RPS6KC1: variants seen among roughly 807,000 people sequenced by gnomAD.
RPS6KC1 encodes the protein inactive ribosomal protein S6 kinase delta-1.
Under a neutral mutation model 103.8 loss-of-function variants are expected in RPS6KC1, and 54 were observed. That is an observed-to-expected ratio of 0.52 (90% CI 0.42 to 0.65). The LOEUF (loss-of-function observed/expected upper bound fraction) is 0.65. RPS6KC1 is among the 30% of genes least tolerant of loss of function. The pLI, the probability that RPS6KC1 is intolerant of heterozygous loss-of-function variation, is 0.00. For synonymous variants in RPS6KC1, 439 were observed against 438.7 expected (o/e 1.00, Z -0.01); for missense variants, 1,151 against 1,253.8 (o/e 0.92, Z 1.24).
the RPS6KC1 span, among the ~76,000 whole-genome samples, chr1:213,607,726 C>A: frequency 3.3e-5 from 5 of 149,414 alleles, no homozygotes; most frequent in South Asian, 4.2e-4. Context: ...CACACACACA[C>A]AAAATAAATA....
the RPS6KC1 span, among the ~76,000 whole-genome samples, chr1:213,854,536 C>CTTTCTTTCTT: frequency 9.8e-6 from 1 of 102,150 alleles, no homozygotes; most frequent in East Asian, 3.3e-4. Flanking sequence ...TTCTTTCTTT[C>CTTTCTTTCTT]TTTCTTTCTT....
chr1:213,617,165 G>T, the RPS6KC1 span, among the ~76,000 whole-genome samples: 1 of 152,146 alleles, frequency 6.6e-6, no homozygotes, highest in African/African-American at 2.4e-5. Flanking sequence ...CACTGTTTCT[G>T]GGAGTCACCC....
rs1558567538 is a variant in RPS6KC1 at position 213,220,121 on chromosome 1, T to G, written c.1045-10376T>G. Among the ~76,000 whole-genome samples, 5 of 152,170 alleles carry G rather than the reference T, an allele frequency of 3.3e-5. No homozygotes were observed. The South Asian group carries it at 1.0e-3, about 32-fold the overall frequency. On this transcript the variant is annotated intron_variant, in intron 8 of 14. Coordinates refer to ENST00000366960, the MANE Select transcript of RPS6KC1 (RefSeq NM_012424.6). ...CAGTATTGTATTGTAGAAATATTGA[T>G]ATTTACATTCAACAGGTTATGTTTG...
At chr1:213,657,083 A>G in the RPS6KC1 span, among the ~76,000 whole-genome samples, 1 of 152,248 alleles carries the variant, frequency 6.6e-6, no homozygotes, top group Admixed American at 6.5e-5. Flanking sequence ...ATTCAACTAT[A>G]AATTAACATA....
At chr1:213,379,198 T>G in the RPS6KC1 span, among the ~76,000 whole-genome samples, 1 of 151,620 alleles carries the variant, frequency 6.6e-6, no homozygotes, top group Non-Finnish European at 1.5e-5. Context: ...TGTTATAGAT[T>G]GAATTCTGTC....
chr1:213,553,164 CCT>C, the RPS6KC1 span, among the ~76,000 whole-genome samples: 2 of 152,102 alleles, frequency 1.3e-5, no homozygotes, highest in African/African-American at 4.8e-5. Context: ...CTCTTCTCAT[CCT>C]CTCCCCTTAA....
chr1:213,086,804 C>T (rs974899102), intron 3 of RPS6KC1, among the ~76,000 whole-genome samples: 2 of 152,124 alleles, frequency 1.3e-5, no homozygotes, highest in African/African-American at 4.8e-5. Context: ...TACCTCTAAT[C>T]ATTTGCAAAC....
chr1:213,753,470 A>G, the RPS6KC1 span, among the ~76,000 whole-genome samples: 5 of 152,292 alleles, frequency 3.3e-5, no homozygotes, highest in Admixed American at 6.5e-5. Context: ...GGTCAAAATA[A>G]GAAGCCCATT....
At chr1:213,635,989 G>A in the RPS6KC1 span, among the ~76,000 whole-genome samples, 2 of 152,266 alleles carry the variant, frequency 1.3e-5, no homozygotes, top group South Asian at 2.1e-4. Context: ...CAAACAAAGA[G>A]CCAAATCATG....
chr1:213,238,624 A>G (rs1190083678), intron 10 of RPS6KC1, among the ~76,000 whole-genome samples: 1 of 152,222 alleles, frequency 6.6e-6, no homozygotes, highest in African/African-American at 2.4e-5. Flanking sequence ...GAAGACTTTA[A>G]GTACATTGAA....
At chr1:213,276,178 A>T (rs993146962), downstream of RPS6KC1, among the ~76,000 whole-genome samples, 1 of 152,174 alleles carries the variant, frequency 6.6e-6, no homozygotes, top group Non-Finnish European at 1.5e-5. Context: ...TTGCTTGCCC[A>T]CAAGTTTGGA....
the RPS6KC1 span, among the ~76,000 whole-genome samples, chr1:213,803,240 CTTTTTTT>C: frequency 3.0e-5 from 3 of 101,386 alleles, no homozygotes; most frequent in Non-Finnish European, 3.9e-5. Flanking sequence ...AAGGCAGTGG[CTTTTTTT>C]TTTTTTTTTT....
At chr1:213,291,886 C>T in the RPS6KC1 span, among the ~76,000 whole-genome samples, 2 of 152,136 alleles carry the variant, frequency 1.3e-5, no homozygotes, top group Admixed American at 6.5e-5. Flanking sequence ...TTAGGTCTAA[C>T]GTTTAAGTCT....
the RPS6KC1 span, among the ~76,000 whole-genome samples, chr1:213,601,932 C>T: frequency 4.8e-5 from 6 of 125,736 alleles, no homozygotes; most frequent in Admixed American, 8.7e-5. Context: ...TCCCTCCCTT[C>T]CTTCCTTCTT....
chr1:213,316,048 G>A, the RPS6KC1 span, among the ~76,000 whole-genome samples: 1 of 152,214 alleles, frequency 6.6e-6, no homozygotes, highest in African/African-American at 2.4e-5. Context: ...ATCTGGAATT[G>A]TAATCCCCAT....
At chr1:213,714,697 T>G in the RPS6KC1 span, among the ~76,000 whole-genome samples, 131 of 152,356 alleles carry the variant, frequency 8.6e-4, no homozygotes, top group African/African-American at 3.1e-3. Context: ...GCCCTATTCT[T>G]GGGCATCAAC....
chr1:213,395,824 A>G, the RPS6KC1 span, among the ~76,000 whole-genome samples: 1 of 152,252 alleles, frequency 6.6e-6, no homozygotes, highest in Non-Finnish European at 1.5e-5. Context: ...GCAGGAAAAC[A>G]CATGGTAAAT....
intron 6 of RPS6KC1, among the ~76,000 whole-genome samples, chr1:213,154,604 GCTT>G (rs2089655306): frequency 6.6e-6 from 1 of 152,194 alleles, no homozygotes; most frequent in Admixed American, 6.5e-5. Flanking sequence ...TCTTAACTCA[GCTT>G]GTTGTAAATG....
At chr1:213,151,577 G>A (rs1413328974) in intron 6 of RPS6KC1, among the ~76,000 whole-genome samples, 1 of 89,156 alleles carries the variant, frequency 1.1e-5, no homozygotes, top group East Asian at 3.2e-4. Context: ...CCTCCCGGAT[G>A]GGGCGGCTGG....
Sources: allele counts gnomAD v4.1 joint callset (sites outside exome capture counted in the v4.1 genomes callset), GRCh38; gene constraint gnomAD v4.1.1; transcripts MANE v1.5; gene names NCBI Gene and HGNC (gene_info 2026-07-23, HGNC 2026-07-21).